Variants in KANK1 observed in about 807,000 individuals in gnomAD.
KANK1 encodes KN motif and ankyrin repeat domain-containing protein 1.
KANK1 carries 109 observed loss-of-function variants against 106.2 expected under a neutral mutation model. The ratio of observed to expected loss-of-function variants is 1.03; its 90% CI spans 0.88 to 1.20. KANK1 has a LOEUF of 1.20. KANK1 is among the 50% of genes most tolerant of loss of function. The pLI is 0.00. For missense variants in KANK1, 2,399 were observed against 1,710.7 expected (o/e 1.40, Z -7.10); for synonymous variants, 873 against 652.2 (o/e 1.34, Z -5.16).
chr9:740,645 C>G lies in KANK1; in HGVS notation c.3554-147C>G, dbSNP rs553238032. 20 of 871,388 alleles carry G rather than the reference C, an allele frequency of 2.3e-5. No homozygotes were observed. The South Asian group carries it at 3.3e-4, about 14-fold the overall frequency. The allele number at this position is 871,388 out of a possible 1,614,324, so 54.0% of individuals were successfully genotyped here. A position where few individuals can be genotyped will look rare whatever the true frequency, so the allele number is the denominator to read the frequency against. ...TGGTTTAGTATGAAAACATCTCTCA[C>G]ATTTCCTTCTAAGTCACTCTTGGTC... On this transcript the variant is annotated intron_variant, in intron 8 of 11. Coordinates refer to ENST00000382297, the MANE Select transcript of KANK1 (RefSeq NM_015158.5).
intron 3 of KANK1, among the ~76,000 whole-genome samples, chr9:713,709 G>C (rs767284114): frequency 1.1e-4 from 16 of 152,294 alleles, no homozygotes; most frequent in Admixed American, 2.6e-4. Flanking sequence ...GTAAACTGGT[G>C]TTGGCTGGCC....
intron 1 of KANK1, among the ~76,000 whole-genome samples, chr9:620,173 T>C (rs973174278): frequency 1.5e-4 from 23 of 152,086 alleles, no homozygotes; most frequent in African/African-American, 5.3e-4. Flanking sequence ...CAGTTGTCTA[T>C]TTCAGGTCTA....
intron 1 of KANK1, among the ~76,000 whole-genome samples, chr9:610,437 G>C (rs2136124307): frequency 6.6e-6 from 1 of 152,244 alleles, no homozygotes; most frequent in Non-Finnish European, 1.5e-5. Context: ...CTATATGGGT[G>C]AAAAAATAAA....
intron 11 of KANK1, 157 bp from the exon 12 acceptor site, chr9:745,016 G>T (rs2132420294): frequency 6.6e-6 from 10 of 1,505,720 alleles, no homozygotes; most frequent in Non-Finnish European, 8.9e-6. Flanking sequence ...TGGCCTTGGA[G>T]CTGTGGACAC....
intron 1 of KANK1, among the ~76,000 whole-genome samples, chr9:572,651 A>C (rs1003242311): frequency 6.6e-6 from 1 of 152,098 alleles, no homozygotes; most frequent in Non-Finnish European, 1.5e-5. Context: ...ATGGCCTCCC[A>C]AAGCACTGGG....
intron 1 of KANK1, among the ~76,000 whole-genome samples, chr9:615,099 C>T (rs1202090720): frequency 1.3e-5 from 2 of 151,948 alleles, no homozygotes; most frequent in Non-Finnish European, 2.9e-5. Flanking sequence ...GCCACCATAC[C>T]CAGCTAATTT....
intron 1 of KANK1, among the ~76,000 whole-genome samples, 157 bp downstream of exon 1, chr9:504,911 C>G (rs998819986): frequency 6.7e-6 from 1 of 149,496 alleles, no homozygotes; most frequent in Non-Finnish European, 1.5e-5. Context: ...AGGGCAGCCC[C>G]CGCGGGCTCC....
chr9:590,150 C>T (rs1824486553), intron 1 of KANK1, among the ~76,000 whole-genome samples: 2 of 152,146 alleles, frequency 1.3e-5, no homozygotes, highest in Non-Finnish European at 2.9e-5. Flanking sequence ...GTACCTTTTC[C>T]TCAGGAGTTA....
intron 1 of KANK1, among the ~76,000 whole-genome samples, chr9:645,811 C>T (rs731882): frequency 0.045 from 6,737 of 150,520 alleles, 294 homozygotes; most frequent in Non-Finnish European, 0.057. Context: ...TCAGCTTGGG[C>T]GACAGAGCAA....
chr9:744,647 C>T (rs377595311), intron 11 of KANK1, 58 bp downstream of exon 11: 2 of 1,613,374 alleles, frequency 1.2e-6, no homozygotes, highest in Non-Finnish European at 1.7e-6. Context: ...ACTGGTGGAC[C>T]CCCTTCCTCC....
intron 1 of KANK1, among the ~76,000 whole-genome samples, chr9:648,135 C>T (rs959470148): frequency 1.3e-5 from 2 of 149,510 alleles, no homozygotes; most frequent in African/African-American, 5.1e-5. Context: ...TCCCGAGTAG[C>T]TGGGACCACA....
At chr9:548,051 T>C (rs1411248680) in intron 1 of KANK1, among the ~76,000 whole-genome samples, 1 of 152,208 alleles carries the variant, frequency 6.6e-6, no homozygotes, top group Non-Finnish European at 1.5e-5. Flanking sequence ...TATGATAGCA[T>C]ATGGTTTTCT....
intron 1 of KANK1, among the ~76,000 whole-genome samples, chr9:625,964 T>G (rs1023289439): frequency 6.6e-6 from 1 of 152,102 alleles, no homozygotes; most frequent in Non-Finnish European, 1.5e-5. Flanking sequence ...GAAACTCCCC[T>G]GCACTCCATT....
At chr9:667,336 G>A (rs932839238) in intron 1 of KANK1, among the ~76,000 whole-genome samples, 1 of 151,702 alleles carries the variant, frequency 6.6e-6, no homozygotes, top group Non-Finnish European at 1.5e-5. Flanking sequence ...TCTTGCTAAA[G>A]TTTTGTCAGT....
chr9:657,504 A>G (rs1434637256), intron 1 of KANK1, among the ~76,000 whole-genome samples: 1 of 151,856 alleles, frequency 6.6e-6, no homozygotes, highest in Non-Finnish European at 1.5e-5. Flanking sequence ...ACTCTCACCA[A>G]TGTAGGGTTC....
intron 1 of KANK1, among the ~76,000 whole-genome samples, chr9:511,688 C>G (rs2059032275): frequency 6.6e-6 from 1 of 152,128 alleles, no homozygotes; most frequent in Non-Finnish European, 1.5e-5. Flanking sequence ...ATTTCTAATA[C>G]TCACACATAG....
At chr9:514,242 TCCTTCCTTCCTCCCTCCGTCCCTC>T (rs2059181021) in intron 1 of KANK1, among the ~76,000 whole-genome samples, 7 of 83,320 alleles carry the variant, frequency 8.4e-5, no homozygotes, top group African/African-American at 7.9e-4. Context: ...CTCCCTCCCT[TCCTTCCTTCCTCCCTCCGTCCCTC>T]CCTTCCTTCC....
At chr9:484,086 G>C (rs1372555917) in intron 3 of KANK1, among the ~76,000 whole-genome samples, 3 of 152,186 alleles carry the variant, frequency 2.0e-5, no homozygotes, top group African/African-American at 4.8e-5. Flanking sequence ...TAGAGATTCA[G>C]GTCAGTGGCT....
intron 2 of KANK1, among the ~76,000 whole-genome samples, chr9:690,938 G>C (rs1819769434): frequency 6.6e-6 from 1 of 152,192 alleles, no homozygotes. Context: ...CAGAGGCCAA[G>C]CCTTGAGTAT....
Sources: gnomAD v4.1 joint callset for allele counts (sites outside exome capture counted in the v4.1 genomes callset) on GRCh38, gnomAD v4.1.1 for gene constraint, MANE v1.5 for transcripts, NCBI Gene and HGNC (gene_info 2026-07-23, HGNC 2026-07-21) for gene names.